Variants in AGBL1 observed in about 807,000 individuals in gnomAD.
AGBL1 encodes the protein cytosolic carboxypeptidase 4.
Under a neutral mutation model 118.9 loss-of-function variants are expected in AGBL1, and 130 were observed. The ratio of observed to expected loss-of-function variants is 1.09; its 90% CI spans 0.95 to 1.26. The LOEUF is 1.26. Ranked by LOEUF, AGBL1 falls within the 50% of genes most tolerant of loss-of-function variation. The probability of loss-of-function intolerance (pLI) is 0.00; values close to 1 mark genes in which losing one functional copy is unlikely to be tolerated. For synonymous variants in AGBL1, 555 were observed against 478.9 expected, an observed-to-expected ratio of 1.16 and a Z score of -2.08; for missense variants, 1,584 against 1,298.1, an observed-to-expected ratio of 1.22 and a Z score of -3.38.
At chr15:86,372,107 G>C (rs568202257) in intron 17 of AGBL1, among the ~76,000 whole-genome samples, 24 of 152,322 alleles carry the variant, frequency 1.6e-4, no homozygotes, top group African/African-American at 3.8e-4. Context: ...AGGCAGAGAT[G>C]GTGGATAGGA....
Position 86,796,682 on chromosome 15 carries a change from C to T in AGBL1, c.3159-110405C>T, listed in dbSNP as rs143855444. Among the ~76,000 whole-genome samples the T allele has an allele frequency of 9.2e-5, 14 of 152,274 alleles. No homozygotes were observed. The East Asian group carries it at 2.7e-3, about 29-fold the overall frequency. ...AGGATGAAATCCAGTCCTCCACTTG[C>T]TTTTGTAAATAAAACATTATTAGAA... is the stretch of plus-strand genomic sequence containing the variant. On this transcript the variant is annotated intron_variant, in intron 22 of 22. Transcript: ENST00000614907.
intron 5 of AGBL1, among the ~76,000 whole-genome samples, chr15:86,210,648 A>T (rs150484488): frequency 4.6e-5 from 7 of 152,126 alleles, no homozygotes. Flanking sequence ...TTCTTGTGCC[A>T]TGGTTTTCAG....
chr15:86,620,401 G>A (rs570541280), intron 21 of AGBL1, among the ~76,000 whole-genome samples: 2 of 152,272 alleles, frequency 1.3e-5, no homozygotes, highest in South Asian at 4.1e-4. Flanking sequence ...AGGAGGTTGC[G>A]CTGAGACTTT....
chr15:86,276,752 T>C (rs962142986), intron 15 of AGBL1, among the ~76,000 whole-genome samples: 9 of 152,118 alleles, frequency 5.9e-5, no homozygotes, highest in African/African-American at 2.2e-4. Flanking sequence ...AGCAAGAACA[T>C]GGGAACAATT....
chr15:86,476,345 G>A (rs1348133474), intron 18 of AGBL1, among the ~76,000 whole-genome samples: 2 of 152,148 alleles, frequency 1.3e-5, no homozygotes, highest in African/African-American at 4.8e-5. Context: ...CATCTCAAGT[G>A]CAGAGACACA....
chr15:86,243,100 G>T (rs944233687), intron 6 of AGBL1, among the ~76,000 whole-genome samples: 2 of 152,174 alleles, frequency 1.3e-5, no homozygotes, highest in Non-Finnish European at 2.9e-5. Context: ...ACACTGTGTG[G>T]CTAATAGTCT....
intron 21 of AGBL1, among the ~76,000 whole-genome samples, chr15:86,621,678 G>T (rs1015313776): frequency 6.6e-6 from 1 of 152,184 alleles, no homozygotes; most frequent in African/African-American, 2.4e-5. Context: ...CAGGAACTGG[G>T]ATTTAGGACT....
intron 5 of AGBL1, among the ~76,000 whole-genome samples, chr15:86,178,410 A>G (rs1162831945): frequency 6.6e-6 from 1 of 152,240 alleles, no homozygotes; most frequent in African/African-American, 2.4e-5. Flanking sequence ...CGAAATTCCT[A>G]CAATTTCTGT....
downstream of AGBL1, among the ~76,000 whole-genome samples, chr15:86,916,767 T>G (rs1250113265): frequency 1.3e-5 from 2 of 152,134 alleles, no homozygotes; most frequent in South Asian, 4.1e-4. Context: ...TGGCGGGGCC[T>G]GCAGAGAACA....
intron 21 of AGBL1, among the ~76,000 whole-genome samples, chr15:86,668,515 G>C (rs563144420): frequency 8.8e-4 from 134 of 152,190 alleles, no homozygotes; most frequent in African/African-American, 3.2e-3. Flanking sequence ...TTCACAAAAA[G>C]ACGTTTTTTT....
At chr15:86,547,254 C>T (rs1231723609) in intron 20 of AGBL1, among the ~76,000 whole-genome samples, 1 of 152,022 alleles carries the variant, frequency 6.6e-6, no homozygotes, top group East Asian at 1.9e-4. Flanking sequence ...CTGGGCAGCT[C>T]CTGTGGACCC....
At chr15:86,687,154 A>G (rs2086073285) in intron 22 of AGBL1, among the ~76,000 whole-genome samples, 2 of 152,158 alleles carry the variant, frequency 1.3e-5, no homozygotes, top group Admixed American at 1.3e-4. Flanking sequence ...CTATATATGG[A>G]AACAAAGGCA....
chr15:86,714,174 T>C (rs182737440), intron 22 of AGBL1, among the ~76,000 whole-genome samples: 1 of 152,230 alleles, frequency 6.6e-6, no homozygotes, highest in East Asian at 1.9e-4. Flanking sequence ...GAATTAATTA[T>C]GAGGCAATGA....
chr15:86,924,919 C>T (rs2080515369), intron 23 of AGBL1, among the ~76,000 whole-genome samples: 1 of 151,798 alleles, frequency 6.6e-6, no homozygotes, highest in South Asian at 2.1e-4. Context: ...ACTAAAAATA[C>T]AAAAAATTAA....
At chr15:86,977,080 G>A (rs1472331227) in intron 23 of AGBL1, among the ~76,000 whole-genome samples, 1 of 151,790 alleles carries the variant, frequency 6.6e-6, no homozygotes, top group African/African-American at 2.4e-5. Context: ...GGTATTTTAT[G>A]CTCTGTGTGT....
At chr15:86,483,090 T>C (rs550262291) in intron 18 of AGBL1, among the ~76,000 whole-genome samples, 2 of 152,122 alleles carry the variant, frequency 1.3e-5, no homozygotes, top group African/African-American at 4.8e-5. Flanking sequence ...TGAATATGTA[T>C]AAAAGGAGAA....
intron 5 of AGBL1, among the ~76,000 whole-genome samples, chr15:86,215,224 C>T (rs62013786): frequency 0.3 from 34,680 of 114,310 alleles, 4,570 homozygotes; most frequent in South Asian, 0.51. Context: ...TATATGTATG[C>T]GTGTGTGTGT....
intron 21 of AGBL1, among the ~76,000 whole-genome samples, chr15:86,664,823 T>A (rs1166482404): frequency 6.7e-6 from 1 of 149,392 alleles, no homozygotes; most frequent in Non-Finnish European, 1.5e-5. Context: ...AATTTAATTT[T>A]ATTTGTAGAT....
At chr15:86,870,963 G>C (rs2141504002) in intron 22 of AGBL1, among the ~76,000 whole-genome samples, 1 of 152,242 alleles carries the variant, frequency 6.6e-6, no homozygotes, top group East Asian at 1.9e-4. Context: ...AGAGAGATTG[G>C]GCTAGCTTGC....
Sources: gnomAD v4.1 joint callset for allele counts (sites outside exome capture counted in the v4.1 genomes callset) on GRCh38, gnomAD v4.1.1 for gene constraint, MANE v1.5 for transcripts, NCBI Gene and HGNC (gene_info 2026-07-23, HGNC 2026-07-21) for gene names.